NCKAP5: variants seen among roughly 807,000 people sequenced by gnomAD.
NCKAP5 encodes the protein nck-associated protein 5.
NCKAP5 carries 92 observed loss-of-function variants against 167.0 expected under a neutral mutation model. The ratio of observed to expected loss-of-function variants is 0.55; its 90% CI spans 0.47 to 0.66. The LOEUF is 0.66. Among genes scored for constraint, NCKAP5 ranks in the 30% least tolerant of loss-of-function variants. The probability of loss-of-function intolerance (pLI) is 0.00; values close to 1 mark genes in which losing one functional copy is unlikely to be tolerated. For missense variants in NCKAP5, 2,378 were observed against 2,315.0 expected, an observed-to-expected ratio of 1.03 and a Z score of -0.56; for synonymous variants, 891 against 877.4, an observed-to-expected ratio of 1.02 and a Z score of -0.27.
At chr2:132,857,457 C>T (rs1689561163) in intron 11 of NCKAP5, among the ~76,000 whole-genome samples, 1 of 152,152 alleles carries the variant, frequency 6.6e-6, no homozygotes, top group Non-Finnish European at 1.5e-5. Context: ...AATAAGTGTA[C>T]ATGGTAGAGA....
intron 5 of NCKAP5, among the ~76,000 whole-genome samples, chr2:133,140,860 A>G (rs2082970283): frequency 6.6e-6 from 1 of 151,264 alleles, no homozygotes; most frequent in African/African-American, 2.4e-5. Context: ...AGTTTAATGT[A>G]TATTATAACC....
rs565964215 is a variant in NCKAP5 at position 133,023,335 on chromosome 2, T to C, written c.342-29096A>G. Among the ~76,000 whole-genome samples, 152 of 152,384 alleles carry C rather than the reference T, an allele frequency of 1.0e-3. 1 individual carries two copies. The highest frequency in any genetic ancestry group is 2.0e-3 in the Non-Finnish European group (134 of 68,044). On this transcript the variant is annotated intron_variant, in intron 6 of 19. Transcript: ENST00000409261. ...TTAGACCTGTGAATATTTTTTCATATTATTTTAACATATACATATATTTGT... is the reference window on the plus strand; with the variant it reads ...TTAGACCTGTGAATATTTTTTCATACTATTTTAACATATACATATATTTGT...
intron 3 of NCKAP5, among the ~76,000 whole-genome samples, chr2:133,441,828 C>G (rs1308604536): frequency 6.6e-6 from 1 of 152,144 alleles, no homozygotes; most frequent in East Asian, 1.9e-4. Context: ...TAAGCGAACT[C>G]TCAGGGAATT....
chr2:133,481,736 C>T (rs1680460280), intron 3 of NCKAP5, among the ~76,000 whole-genome samples: 1 of 152,188 alleles, frequency 6.6e-6, no homozygotes, highest in Non-Finnish European at 1.5e-5. Context: ...TCTCCAGCTC[C>T]ATCCATGTGC....
chr2:133,054,623 T>C (rs1022625336), intron 6 of NCKAP5, among the ~76,000 whole-genome samples: 4 of 152,230 alleles, frequency 2.6e-5, no homozygotes, highest in Non-Finnish European at 2.9e-5. Flanking sequence ...ATTTGAGTTC[T>C]GAAATTAATC....
chr2:133,148,689 C>A (rs2083284755), intron 5 of NCKAP5, among the ~76,000 whole-genome samples: 1 of 152,234 alleles, frequency 6.6e-6, no homozygotes, highest in East Asian at 1.9e-4. Flanking sequence ...TCCTGGTTTA[C>A]AGATGGACAC....
chr2:132,855,963 G>A (rs925142064), intron 11 of NCKAP5, among the ~76,000 whole-genome samples: 1 of 152,122 alleles, frequency 6.6e-6, no homozygotes, highest in Non-Finnish European at 1.5e-5. Context: ...AGGAGATCAA[G>A]ACCATCCTGG....
chr2:132,775,068 C>CTTAAA, intron 15 of NCKAP5, among the ~76,000 whole-genome samples: 1 of 152,264 alleles, frequency 6.6e-6, no homozygotes, highest in South Asian at 2.1e-4. Context: ...AAATACATTC[C>CTTAAA]AGACAGCCAC....
intron 16 of NCKAP5, among the ~76,000 whole-genome samples, chr2:132,760,516 T>C (rs986174919): frequency 1.8e-4 from 27 of 152,182 alleles, no homozygotes; most frequent in African/African-American, 6.5e-4. Context: ...CTGTATTATA[T>C]TCTATATTGG....
intron 11 of NCKAP5, among the ~76,000 whole-genome samples, chr2:132,837,793 C>T (rs1688001937): frequency 6.6e-6 from 1 of 152,164 alleles, no homozygotes; most frequent in Admixed American, 6.5e-5. Context: ...GGCTGGACTT[C>T]ATTGAGAATG....
chr2:132,882,348 T>C (rs1169637412), intron 8 of NCKAP5, among the ~76,000 whole-genome samples: 1 of 152,140 alleles, frequency 6.6e-6, no homozygotes, highest in Non-Finnish European at 1.5e-5. Context: ...TCCACACTCC[T>C]ACATGCACAG....
intron 3 of NCKAP5, among the ~76,000 whole-genome samples, chr2:133,438,233 T>G (rs1350444360): frequency 2.0e-5 from 3 of 152,220 alleles, no homozygotes; most frequent in Non-Finnish European, 4.4e-5. Context: ...CAGCATGGCA[T>G]ACAAACAAAT....
intron 3 of NCKAP5, among the ~76,000 whole-genome samples, chr2:133,371,147 G>C (rs886148912): frequency 1.3e-5 from 2 of 152,200 alleles, no homozygotes; most frequent in Non-Finnish European, 2.9e-5. Context: ...TCTCTGACCA[G>C]CTAAGACCTT....
intron 8 of NCKAP5, among the ~76,000 whole-genome samples, chr2:132,903,066 C>T (rs1693748013): frequency 6.6e-6 from 1 of 152,166 alleles, no homozygotes; most frequent in Admixed American, 6.5e-5. Context: ...AGAGTAAAAA[C>T]AGTACCTGGA....
intron 11 of NCKAP5, among the ~76,000 whole-genome samples, chr2:132,823,554 TA>T (rs1186619657): frequency 6.6e-6 from 1 of 151,792 alleles, no homozygotes; most frequent in Non-Finnish European, 1.5e-5. Context: ...AAAAGGAGTT[TA>T]AAATCTTCAA....
At chr2:132,791,423 C>T (rs1009539818) in intron 12 of NCKAP5, among the ~76,000 whole-genome samples, 30 of 152,256 alleles carry the variant, frequency 2.0e-4, no homozygotes, top group African/African-American at 7.2e-4. Context: ...GCAAGGGTGA[C>T]AAATAAAGCT....
intron 7 of NCKAP5, among the ~76,000 whole-genome samples, chr2:132,967,159 TCGTA>T (rs2076694169): frequency 7.6e-6 from 1 of 131,474 alleles, no homozygotes; most frequent in South Asian, 2.6e-4. Flanking sequence ...CACTGCCCTA[TCGTA>T]CACACACACA....
chr2:133,134,264 T>TA (rs761523896), intron 5 of NCKAP5, among the ~76,000 whole-genome samples: 6 of 152,242 alleles, frequency 3.9e-5, no homozygotes, highest in Admixed American at 1.3e-4. Flanking sequence ...TCCCTGTTGA[T>TA]ATCCACTTCC....
chr2:133,613,580 C>T, the NCKAP5 span, among the ~76,000 whole-genome samples: 1 of 152,180 alleles, frequency 6.6e-6, no homozygotes, highest in Non-Finnish European at 1.5e-5. Context: ...TGGAGACTCC[C>T]AGCAAGTCCT....
Sources: gnomAD v4.1 joint callset for allele counts (sites outside exome capture counted in the v4.1 genomes callset) on GRCh38, gnomAD v4.1.1 for gene constraint, MANE v1.5 for transcripts, NCBI Gene and HGNC (gene_info 2026-07-23, HGNC 2026-07-21) for gene names.